ARB2A: variants seen among roughly 807,000 people sequenced by gnomAD.
ARB2A encodes the protein ARB2 cotranscriptional regulator A.
the ARB2A span, among the ~76,000 whole-genome samples, chr5:93,725,651 A>G: frequency 6.6e-6 from 1 of 152,118 alleles, no homozygotes; most frequent in Non-Finnish European, 1.5e-5. Flanking sequence ...TATAAAACAG[A>G]TTATTACAAT....
chr5:93,830,858 A>C, the ARB2A span, among the ~76,000 whole-genome samples: 1 of 152,246 alleles, frequency 6.6e-6, no homozygotes, highest in Admixed American at 6.5e-5. Context: ...TAATGACATA[A>C]TTATACAACT....
the ARB2A span, among the ~76,000 whole-genome samples, chr5:93,873,393 AGGGGAAGGGGAAGG>A: frequency 6.6e-5 from 6 of 91,238 alleles, no homozygotes; most frequent in African/African-American, 1.2e-4. Flanking sequence ...AGGAAGGGGA[AGGGGAAGGGGAAGG>A]GGAAAGGAAA....
chr5:93,933,030 G>A, the ARB2A span, among the ~76,000 whole-genome samples: 5 of 152,114 alleles, frequency 3.3e-5, no homozygotes, highest in East Asian at 3.9e-4. Context: ...ACATTTATGC[G>A]GACAACAAAC....
the ARB2A span, chr5:93,739,409 C>T: frequency 6.6e-6 from 1 of 152,070 alleles, no homozygotes; most frequent in African/African-American, 2.4e-5. Flanking sequence ...AAAGCTTATA[C>T]TTTGAAAATA....
At chr5:94,037,594 T>G in the ARB2A span, among the ~76,000 whole-genome samples, 1 of 152,110 alleles carries the variant, frequency 6.6e-6, no homozygotes, top group African/African-American at 2.4e-5. Context: ...ATAAATAATT[T>G]TATTCTCATT....
chr5:93,918,216 G>C, the ARB2A span, among the ~76,000 whole-genome samples: 2 of 151,940 alleles, frequency 1.3e-5, no homozygotes, highest in Admixed American at 1.3e-4. Flanking sequence ...TCCAACTTTT[G>C]TCAGTGATAG....
chr5:93,868,235 C>G, the ARB2A span, among the ~76,000 whole-genome samples: 1 of 152,122 alleles, frequency 6.6e-6, no homozygotes, highest in African/African-American at 2.4e-5. Flanking sequence ...GTGGGAGCAC[C>G]ACTTGAGCCC....
At chr5:93,685,174 CT>C in the ARB2A span, among the ~76,000 whole-genome samples, 2 of 152,072 alleles carry the variant, frequency 1.3e-5, no homozygotes, top group African/African-American at 4.8e-5. Flanking sequence ...TTAAAGAGTA[CT>C]GATATGTTTT....
chr5:94,033,365 T>C, the ARB2A span, among the ~76,000 whole-genome samples: 1 of 152,148 alleles, frequency 6.6e-6, no homozygotes, highest in Non-Finnish European at 1.5e-5. Flanking sequence ...ACTTATGAAT[T>C]GGTGCTGGAA....
the ARB2A span, among the ~76,000 whole-genome samples, chr5:93,769,753 C>G: frequency 6.6e-6 from 1 of 152,094 alleles, no homozygotes; most frequent in Non-Finnish European, 1.5e-5. Flanking sequence ...TGCTATGTCT[C>G]CAGCTTCCAG....
chr5:94,057,461 G>T, the ARB2A span, among the ~76,000 whole-genome samples: 23 of 152,058 alleles, frequency 1.5e-4, no homozygotes, highest in African/African-American at 5.6e-4. Flanking sequence ...GGAGATGGAT[G>T]GTGGTGATGA....
At chr5:93,689,278 T>G in the ARB2A span, among the ~76,000 whole-genome samples, 1 of 152,212 alleles carries the variant, frequency 6.6e-6, no homozygotes, top group Admixed American at 6.5e-5. Flanking sequence ...TTACATTTTT[T>G]GGGCCTTTAC....
At chr5:93,964,806 T>C in the ARB2A span, among the ~76,000 whole-genome samples, 1 of 152,030 alleles carries the variant, frequency 6.6e-6, no homozygotes, top group African/African-American at 2.4e-5. Context: ...TGAAAGTATA[T>C]TTTCTTTTTT....
the ARB2A span, among the ~76,000 whole-genome samples, chr5:94,109,058 T>C: frequency 6.6e-6 from 1 of 152,222 alleles, no homozygotes; most frequent in South Asian, 2.1e-4. Context: ...ATAAACAAAA[T>C]GTATTAACAG....
chr5:93,702,603 T>A, the ARB2A span, among the ~76,000 whole-genome samples: 1 of 152,064 alleles, frequency 6.6e-6, no homozygotes, highest in Non-Finnish European at 1.5e-5. Context: ...GGGGGCTCAA[T>A]AAGCATTTCT....
the ARB2A span, among the ~76,000 whole-genome samples, chr5:93,897,827 CA>C: frequency 3.6e-4 from 51 of 142,432 alleles, no homozygotes; most frequent in Admixed American, 5.6e-4. Flanking sequence ...ATTATAGGGT[CA>C]AAAAAAAAAG....
At chr5:93,773,938 TA>T in the ARB2A span, among the ~76,000 whole-genome samples, 32 of 152,156 alleles carry the variant, frequency 2.1e-4, no homozygotes, top group Admixed American at 1.4e-3. Context: ...TGGCTAATAT[TA>T]AAAAATTTTT....
At chr5:93,881,258 T>C in the ARB2A span, 3 of 385,308 alleles carry the variant, frequency 7.8e-6, no homozygotes, top group African/African-American at 4.2e-5. Context: ...AATTTGCATT[T>C]GTGACTTCTA....
the ARB2A span, among the ~76,000 whole-genome samples, chr5:93,899,536 T>C: frequency 6.6e-6 from 1 of 152,170 alleles, no homozygotes; most frequent in Non-Finnish European, 1.5e-5. Context: ...CAAGATTTTT[T>C]GCTTTTAGTT....
Sources: gnomAD v4.1 joint callset for allele counts (sites outside exome capture counted in the v4.1 genomes callset) on GRCh38, gnomAD v4.1.1 for gene constraint, MANE v1.5 for transcripts, NCBI Gene and HGNC (gene_info 2026-07-23, HGNC 2026-07-21) for gene names.